CNTN3: variants seen among roughly 807,000 people sequenced by gnomAD.
CNTN3 encodes contactin-3.
CNTN3 carries 60 observed loss-of-function variants against 119.1 expected under a neutral mutation model. That is an observed-to-expected ratio of 0.50 (90% CI 0.41 to 0.62). The LOEUF is 0.62. CNTN3 is among the 20% of genes least tolerant of loss of function. The pLI, the probability that CNTN3 is intolerant of heterozygous loss-of-function variation, is 0.00. For missense variants in CNTN3, 1,101 were observed against 1,242.4 expected, an observed-to-expected ratio of 0.89 and a Z score of 1.71; for synonymous variants, 450 against 438.7, an observed-to-expected ratio of 1.03 and a Z score of -0.32.
chr3:74,337,573 G>A (rs1048186314), intron 11 of CNTN3, among the ~76,000 whole-genome samples: 18 of 152,132 alleles, frequency 1.2e-4, no homozygotes, highest in East Asian at 3.9e-4. Flanking sequence ...AAGAGGAAAC[G>A]AGAACCAAGT....
At position 74,352,728 on chromosome 3, in the gene CNTN3, A is replaced by G. The variant is rs139534018; in HGVS notation, c.1364+9162T>C. Among the ~76,000 whole-genome samples the G allele has an allele frequency of 7.6e-3, 1,150 of 152,266 alleles. 13 individuals carry two copies. Among genetic ancestry groups the G allele is most frequent in the Middle Eastern group, 0.014 (4 of 292 alleles). ...TAGGCAGAAGGCAGGGACATCAATC[A>G]ATCTGGTTTTTAAAAGTGATGGCAT... On this transcript the variant is annotated intron_variant, in intron 11 of 22. Transcript: ENST00000263665.
At chr3:74,453,446 G>T (rs1353807536) in intron 4 of CNTN3, among the ~76,000 whole-genome samples, 1 of 151,678 alleles carries the variant, frequency 6.6e-6, no homozygotes, top group Non-Finnish European at 1.5e-5. Flanking sequence ...TATCAATTTT[G>T]TTATCTTTTC....
chr3:74,569,379 C>A (rs951095021), intron 1 of CNTN3, among the ~76,000 whole-genome samples: 2 of 152,004 alleles, frequency 1.3e-5, no homozygotes, highest in African/African-American at 4.8e-5. Flanking sequence ...ATCTACACTC[C>A]AGAGATCCCT....
chr3:74,333,838 C>T (rs1053139604), intron 13 of CNTN3, among the ~76,000 whole-genome samples: 1 of 152,116 alleles, frequency 6.6e-6, no homozygotes, highest in South Asian at 2.1e-4. Flanking sequence ...GTTGAGTTGA[C>T]CATCATATGG....
intron 1 of CNTN3, among the ~76,000 whole-genome samples, chr3:74,593,060 GTTT>G (rs1287640961): frequency 4.6e-5 from 7 of 151,888 alleles, no homozygotes; most frequent in Non-Finnish European, 7.4e-5. Flanking sequence ...GGGATGCTGA[GTTT>G]TTGTTTTGTT....
chr3:74,358,310 T>C (rs1014067001), intron 11 of CNTN3, among the ~76,000 whole-genome samples: 1 of 152,128 alleles, frequency 6.6e-6, no homozygotes, highest in South Asian at 2.1e-4. Context: ...CAAAGCAGAG[T>C]GTCAGAAGGC....
At chr3:74,383,978 T>C (rs545908341) in intron 5 of CNTN3, among the ~76,000 whole-genome samples, 3 of 152,328 alleles carry the variant, frequency 2.0e-5, no homozygotes, top group Middle Eastern at 3.4e-3. Flanking sequence ...CATTTTTGCC[T>C]GAGGCAGAAA....
chr3:74,479,186 T>C (rs1336883477), intron 4 of CNTN3, among the ~76,000 whole-genome samples: 1 of 151,864 alleles, frequency 6.6e-6, no homozygotes, highest in African/African-American at 2.4e-5. Context: ...AGACAGGAAA[T>C]CATAAAATCT....
chr3:74,446,830 T>C (rs6809017), intron 4 of CNTN3, among the ~76,000 whole-genome samples: 22,641 of 151,898 alleles, frequency 0.15, 1,963 homozygotes, highest in East Asian at 0.46. Context: ...TTCCCAGAGA[T>C]CAGGGTCATA....
intron 1 of CNTN3, among the ~76,000 whole-genome samples, chr3:74,571,774 T>TA (rs748799155): frequency 6.6e-6 from 1 of 152,292 alleles, no homozygotes; most frequent in East Asian, 1.9e-4. Context: ...AAGCAAAACT[T>TA]ATAGAACTTG....
At chr3:74,378,315 A>C (rs2106804640) in intron 5 of CNTN3, among the ~76,000 whole-genome samples, 1 of 152,330 alleles carries the variant, frequency 6.6e-6, no homozygotes, top group South Asian at 2.1e-4. Flanking sequence ...TGTAAACCGA[A>C]AGACATCTAT....
In CNTN3 at chr3:74,369,955, TGAACTTCTA is replaced by T; in HGVS notation, c.686_694del (p.Ile229_Gln232delinsLys). 6.2e-7 allele frequency: 1 copy of T among 1,606,110 alleles called. No homozygotes were observed. Among genetic ancestry groups the T allele is most frequent in the Admixed American group, 1.7e-5 (1 of 59,442 alleles). On this transcript the variant is annotated inframe_deletion, in exon 7 of 23. Coordinates refer to ENST00000263665, the MANE Select transcript of CNTN3 (RefSeq NM_020872.3). ...AGCTGCTGGAAGAGTTTCTGGAAACTGAACTTCTATTTTAGGTTCATATTCACCCATCAC... is the reference window on the plus strand; with the variant it reads ...AGCTGCTGGAAGAGTTTCTGGAAACTTTTTAGGTTCATATTCACCCATCAC...
In CNTN3 at chr3:74,290,963, A is replaced by G. The variant is rs563020453; in HGVS notation, c.2517+4158T>C. ...TGTGAACAATGTGCAGGTTTGTTACATATGTATACATGTGCCATGTTGGTG... is the reference window on the plus strand; with the variant it reads ...TGTGAACAATGTGCAGGTTTGTTACGTATGTATACATGTGCCATGTTGGTG... On this transcript the variant is annotated intron_variant, in intron 19 of 22. Transcript: ENST00000263665. Among the ~76,000 whole-genome samples, 26 of 151,916 alleles carry G rather than the reference A, an allele frequency of 1.7e-4. 1 individual carries two copies. Among genetic ancestry groups the G allele is most frequent in the Admixed American group, 1.6e-3 (24 of 15,258 alleles).
intron 5 of CNTN3, among the ~76,000 whole-genome samples, chr3:74,387,979 G>A (rs549279571): frequency 6.6e-6 from 1 of 152,308 alleles, no homozygotes; most frequent in South Asian, 2.1e-4. Flanking sequence ...CTCTCCTGTA[G>A]TTGATAAATT....
intron 2 of CNTN3, among the ~76,000 whole-genome samples, chr3:74,509,863 T>C (rs1703333449): frequency 6.6e-6 from 1 of 152,104 alleles, no homozygotes; most frequent in Non-Finnish European, 1.5e-5. Context: ...ACAATGTTTG[T>C]GTATTTTACT....
intron 1 of CNTN3, among the ~76,000 whole-genome samples, chr3:74,586,732 C>T (rs1226703598): frequency 6.6e-6 from 1 of 152,092 alleles, no homozygotes; most frequent in Middle Eastern, 3.4e-3. Flanking sequence ...GTAATAACTA[C>T]TATTAGTTAG....
chr3:74,524,155 C>G (rs894544793), intron 1 of CNTN3, among the ~76,000 whole-genome samples: 2 of 151,912 alleles, frequency 1.3e-5, no homozygotes, highest in Non-Finnish European at 2.9e-5. Flanking sequence ...TCCCAACAAT[C>G]CATCCCCAAG....
At chr3:74,551,695 A>T (rs1430280578) in intron 1 of CNTN3, among the ~76,000 whole-genome samples, 1 of 142,042 alleles carries the variant, frequency 7.0e-6, no homozygotes, top group Non-Finnish European at 1.5e-5. Flanking sequence ...TGTGTTTTCC[A>T]CATAATTGGA....
At chr3:74,277,708 A>G (rs1378918014) in intron 20 of CNTN3, among the ~76,000 whole-genome samples, 1 of 152,140 alleles carries the variant, frequency 6.6e-6, no homozygotes, top group Admixed American at 6.5e-5. Context: ...AACTGGAAAA[A>G]GACAAGGATG....
Sources: gnomAD v4.1 joint callset for allele counts (sites outside exome capture counted in the v4.1 genomes callset) on GRCh38, gnomAD v4.1.1 for gene constraint, MANE v1.5 for transcripts, NCBI Gene and HGNC (gene_info 2026-07-23, HGNC 2026-07-21) for gene names.